HECW2: variants seen among roughly 807,000 people sequenced by gnomAD.
HECW2 encodes the protein HECT, C2 and WW domain containing E3 ubiquitin protein ligase 2.
Under a neutral mutation model 175.2 loss-of-function variants are expected in HECW2, and 61 were observed. That is an observed-to-expected ratio of 0.35 (90% CI 0.28 to 0.43). The LOEUF (loss-of-function observed/expected upper bound fraction) is 0.43. Ranked by LOEUF, HECW2 falls within the 20% of genes least tolerant of loss-of-function variation. The pLI is 1.00. For missense variants in HECW2, 1,524 were observed against 2,000.5 expected (o/e 0.76, Z 4.54); for synonymous variants, 671 against 731.0 (o/e 0.92, Z 1.32).
chr2:196,240,404 T>C, intron 21 of HECW2, 45 bp downstream of exon 21: 1 of 1,365,726 alleles, frequency 7.3e-7, no homozygotes, highest in Non-Finnish European at 1.0e-6. Flanking sequence ...ATCCGCCTTG[T>C]GGCCACAGCC....
chr2:196,585,502 G>A (rs992022498), intron 1 of HECW2, among the ~76,000 whole-genome samples: 7 of 152,310 alleles, frequency 4.6e-5, no homozygotes, highest in Admixed American at 2.0e-4. Context: ...CTGGATATCG[G>A]ACATTAGGAT....
At chr2:196,217,753 A>G (rs1199018289) in intron 26 of HECW2, 1 of 152,230 alleles carries the variant, frequency 6.6e-6, no homozygotes, top group Admixed American at 6.5e-5. Context: ...GAAAATGTCA[A>G]AGGAATCACC....
chr2:196,590,659 T>C (rs959630172), intron 1 of HECW2, among the ~76,000 whole-genome samples: 3 of 152,212 alleles, frequency 2.0e-5, no homozygotes, highest in South Asian at 4.1e-4. Context: ...GATCATTTCA[T>C]TGATGTGTAG....
At chr2:196,461,144 C>T (rs1206703433) in intron 1 of HECW2, among the ~76,000 whole-genome samples, 3 of 151,930 alleles carry the variant, frequency 2.0e-5, no homozygotes, top group Non-Finnish European at 4.4e-5. Flanking sequence ...TGGATAAGTG[C>T]ACAGCCTGAT....
chr2:196,450,638 C>T (rs1316498173), intron 1 of HECW2, among the ~76,000 whole-genome samples: 11 of 151,988 alleles, frequency 7.2e-5, no homozygotes, highest in Non-Finnish European at 1.5e-4. Flanking sequence ...TGTGCCACCA[C>T]GCCTGGGTAA....
chr2:196,575,433 T>A (rs1690527621), intron 1 of HECW2, among the ~76,000 whole-genome samples: 2 of 152,122 alleles, frequency 1.3e-5, no homozygotes, highest in Non-Finnish European at 2.9e-5. Context: ...GGAAATGAAA[T>A]TAGTATCTCA....
intron 14 of HECW2, chr2:196,288,601 C>T (rs1480818129): frequency 4.6e-5 from 7 of 152,162 alleles, no homozygotes; most frequent in Admixed American, 4.6e-4. Flanking sequence ...AGTCATCATG[C>T]ATTTCCTATA....
chr2:196,278,426 A>G (rs1162040391), intron 15 of HECW2, 102 bp downstream of exon 15: 1 of 1,390,296 alleles, frequency 7.2e-7, no homozygotes, highest in Non-Finnish European at 9.7e-7. Flanking sequence ...AAAAAAAAAA[A>G]AAAGAAAAAA....
chr2:196,327,803 G>A (rs922606866), intron 5 of HECW2, among the ~76,000 whole-genome samples: 14 of 152,164 alleles, frequency 9.2e-5, no homozygotes, highest in African/African-American at 2.9e-4. Context: ...ATAGAGGTGC[G>A]ATGTTGGAAG....
chr2:196,277,210 G>A (rs542950502), intron 15 of HECW2, among the ~76,000 whole-genome samples: 4 of 152,228 alleles, frequency 2.6e-5, no homozygotes, highest in Admixed American at 2.6e-4. Flanking sequence ...GGATATTAGA[G>A]GGCCCTCGTG....
At chr2:196,442,372 G>A (rs973453378) in intron 1 of HECW2, among the ~76,000 whole-genome samples, 1 of 152,206 alleles carries the variant, frequency 6.6e-6, no homozygotes, top group Non-Finnish European at 1.5e-5. Context: ...ACACTCATAT[G>A]TTGCTGAGAG....
At chr2:196,293,969 T>C (rs1230712957) in intron 13 of HECW2, among the ~76,000 whole-genome samples, 1 of 152,218 alleles carries the variant, frequency 6.6e-6, no homozygotes, top group Non-Finnish European at 1.5e-5. Flanking sequence ...TAGAGGCATA[T>C]AAGCTTGGTG....
At chr2:196,552,003 T>C (rs1285224424) in intron 1 of HECW2, among the ~76,000 whole-genome samples, 2 of 152,200 alleles carry the variant, frequency 1.3e-5, no homozygotes, top group Admixed American at 6.5e-5. Context: ...GAATCACTTC[T>C]CACCCTTCTC....
At chr2:196,264,342 C>A (rs1049376039) in intron 17 of HECW2, 1 of 152,112 alleles carries the variant, frequency 6.6e-6, no homozygotes, top group Non-Finnish European at 1.5e-5. Flanking sequence ...AGGAAAATGA[C>A]ATTTTACTGA....
At chr2:196,453,466 C>T (rs1696407584) in intron 1 of HECW2, among the ~76,000 whole-genome samples, 1 of 152,058 alleles carries the variant, frequency 6.6e-6, no homozygotes, top group Non-Finnish European at 1.5e-5. Flanking sequence ...GGAAGCTCTT[C>T]CTAACACTTA....
chr2:196,251,261 T>C (rs562713361), intron 19 of HECW2, among the ~76,000 whole-genome samples: 1 of 152,324 alleles, frequency 6.6e-6, no homozygotes, highest in Non-Finnish European at 1.5e-5. Flanking sequence ...CCTAACTCTA[T>C]TCAAAATCTG....
chr2:196,541,764 C>G (rs2125467284), intron 1 of HECW2, among the ~76,000 whole-genome samples: 1 of 151,476 alleles, frequency 6.6e-6, no homozygotes, highest in East Asian at 1.9e-4. Flanking sequence ...TCCAAAACTA[C>G]AAGTCCCAGA....
At chr2:196,570,574 G>A (rs962301458) in intron 1 of HECW2, among the ~76,000 whole-genome samples, 3 of 152,116 alleles carry the variant, frequency 2.0e-5, no homozygotes, top group African/African-American at 2.4e-5. Context: ...TAGGGGGAGG[G>A]ATAGCATTAG....
intron 19 of HECW2, among the ~76,000 whole-genome samples, chr2:196,248,568 G>A (rs1227576290): frequency 6.8e-6 from 1 of 147,720 alleles, no homozygotes; most frequent in Non-Finnish European, 1.5e-5. Context: ...GAAAGGGAGA[G>A]GGACAGATGA....
Sources: allele counts gnomAD v4.1 joint callset (sites outside exome capture counted in the v4.1 genomes callset), GRCh38; gene constraint gnomAD v4.1.1; transcripts MANE v1.5; gene names NCBI Gene and HGNC (gene_info 2026-07-23, HGNC 2026-07-21).